Variants in CUX1 observed in about 807,000 individuals in gnomAD.
CUX1 encodes the protein cut like homeobox 1.
Under a neutral mutation model 158.8 loss-of-function variants are expected in CUX1, and 31 were observed. The observed-to-expected ratio is 0.20, with a 90% CI of 0.15 to 0.26. The LOEUF is 0.26. Ranked by LOEUF, CUX1 falls within the 10% of genes least tolerant of loss-of-function variation. The pLI, the probability that CUX1 is intolerant of heterozygous loss-of-function variation, is 1.00. For missense variants in CUX1, 1,589 were observed against 2,014.6 expected (o/e 0.79, Z 4.04); for synonymous variants, 879 against 862.1 (o/e 1.02, Z -0.34).
chr7:102,098,904 C>T (rs1386354168), intron 5 of CUX1, among the ~76,000 whole-genome samples: 3 of 150,638 alleles, frequency 2.0e-5, no homozygotes, highest in African/African-American at 4.9e-5. Context: ...CATGATCCAC[C>T]CCCCTCAGCC....
chr7:102,070,079 C>T (rs1825962368), intron 3 of CUX1, among the ~76,000 whole-genome samples: 1 of 152,154 alleles, frequency 6.6e-6, no homozygotes, highest in Non-Finnish European at 1.5e-5. Flanking sequence ...CACGCCAGAC[C>T]ATTCTCTATG....
At chr7:101,924,185 G>A (rs1805312382) in intron 2 of CUX1, among the ~76,000 whole-genome samples, 1 of 152,060 alleles carries the variant, frequency 6.6e-6, no homozygotes, top group Non-Finnish European at 1.5e-5. Context: ...ATGGGAAGAT[G>A]CTGTGAACTT....
Position 102,189,830 on chromosome 7 carries a change from C to T in CUX1, c.1035C>T (p.Leu345=), listed in dbSNP as rs1408209811. ...GTTTTCAGCAACTGGAAGAAAAACTCAAAGGCCAGGCTGACTATGAAGAGG... is the reference window on the plus strand; with the variant it reads ...GTTTTCAGCAACTGGAAGAAAAACTTAAAGGCCAGGCTGACTATGAAGAGG... ...NSTLKQLEEK[L]KGQADYEEVK... Residue 345 remains leucine, a synonymous_variant, in exon 12 of 24, where the codon CTC becomes CTT. Transcript: ENST00000292535. 3.7e-6 allele frequency: 6 copies of T among 1,614,134 alleles called. No homozygotes were observed. The highest frequency in any genetic ancestry group is 5.1e-6 in the Non-Finnish European group (6 of 1,180,038).
At chr7:102,273,758 G>A (rs190258818) in intron 15 of CUX1, among the ~76,000 whole-genome samples, 57 of 152,368 alleles carry the variant, frequency 3.7e-4, no homozygotes, top group Non-Finnish European at 7.6e-4. Context: ...TGCCCTGAGA[G>A]CAGAGGCAGA....
At chr7:101,949,366 G>A (rs565966619) in intron 2 of CUX1, among the ~76,000 whole-genome samples, 1 of 151,950 alleles carries the variant, frequency 6.6e-6, no homozygotes, top group Non-Finnish European at 1.5e-5. Context: ...TCCTGACCTC[G>A]TGATCCGCCC....
intron 5 of CUX1, among the ~76,000 whole-genome samples, chr7:102,099,555 T>TTTTA (rs1174339455): frequency 5.9e-5 from 9 of 151,692 alleles, no homozygotes; most frequent in Non-Finnish European, 8.8e-5. Flanking sequence ...GGTGAGTGTT[T>TTTTA]TTTATTTATT....
intron 23 of CUX1, among the ~76,000 whole-genome samples, chr7:102,244,564 G>T (rs1240642757): frequency 1.3e-5 from 2 of 152,102 alleles, no homozygotes; most frequent in Non-Finnish European, 2.9e-5. Flanking sequence ...GCGTGGTGGT[G>T]CATGCCTGTG....
At chr7:101,970,960 T>C (rs1811877398) in intron 2 of CUX1, among the ~76,000 whole-genome samples, 1 of 152,146 alleles carries the variant, frequency 6.6e-6, no homozygotes, top group Non-Finnish European at 1.5e-5. Context: ...TCTCTGCCAG[T>C]TTTGCCTGCA....
At chr7:102,266,548 G>C (rs1282189184) in intron 14 of CUX1, among the ~76,000 whole-genome samples, 2 of 152,022 alleles carry the variant, frequency 1.3e-5, no homozygotes, top group Non-Finnish European at 2.9e-5. Flanking sequence ...GCATCGGCTT[G>C]TCAATGGCAT....
At chr7:102,064,341 T>A (rs1380327497) in intron 3 of CUX1, among the ~76,000 whole-genome samples, 1 of 152,136 alleles carries the variant, frequency 6.6e-6, no homozygotes, top group Non-Finnish European at 1.5e-5. Context: ...TGAGCAACGG[T>A]GCCGGCTCTA....
chr7:101,976,900 ATTTTTT>A (rs10643207), intron 2 of CUX1, among the ~76,000 whole-genome samples: 12 of 39,460 alleles, frequency 3.0e-4, no homozygotes, highest in East Asian at 9.1e-4. Flanking sequence ...TCCCTTTCTG[ATTTTTT>A]TTTTTTTTTT....
At chr7:102,280,261 G>A (rs782481311) in intron 19 of CUX1, 34 of 615,092 alleles carry the variant, frequency 5.5e-5, no homozygotes, top group South Asian at 1.3e-4. Context: ...GGGTGCTCTC[G>A]GCCAGCCTTG....
intron 23 of CUX1, among the ~76,000 whole-genome samples, chr7:102,246,293 C>T (rs1407951582): frequency 1.3e-5 from 2 of 152,308 alleles, no homozygotes; most frequent in Non-Finnish European, 2.9e-5. Context: ...ATTTCCTGGG[C>T]TCCCAAGGTA....
At chr7:102,204,976 TC>T in intron 19 of CUX1, 137 bp from the exon 20 acceptor site, 2 of 648,446 alleles carry the variant, frequency 3.1e-6, no homozygotes, top group Non-Finnish European at 2.7e-6. Flanking sequence ...CAGCAGCGCC[TC>T]CCCGGCCCGT....
At chr7:102,206,139 G>A (rs1795927366) in intron 20 of CUX1, among the ~76,000 whole-genome samples, 1 of 152,200 alleles carries the variant, frequency 6.6e-6, no homozygotes, top group Non-Finnish European at 1.5e-5. Flanking sequence ...GTGTGGCAGT[G>A]GCTGCTGCTT....
At chr7:101,892,299 C>G (rs1450930158) in intron 1 of CUX1, among the ~76,000 whole-genome samples, 1 of 152,238 alleles carries the variant, frequency 6.6e-6, no homozygotes, top group African/African-American at 2.4e-5. Context: ...TAAGATTACA[C>G]AAGCGGCTGT....
chr7:102,220,483 G>T (rs781915806), intron 20 of CUX1, among the ~76,000 whole-genome samples: 19 of 152,248 alleles, frequency 1.2e-4, no homozygotes, highest in Admixed American at 2.6e-4. Flanking sequence ...CAGTTCCGGA[G>T]CAGGTCTGGT....
intron 2 of CUX1, among the ~76,000 whole-genome samples, chr7:101,984,720 G>A (rs34061842): frequency 0.023 from 3,446 of 152,184 alleles, 73 homozygotes; most frequent in Non-Finnish European, 0.036. Flanking sequence ...GGTGGCTGGC[G>A]TTCGCAAAAC....
chr7:101,972,097 G>A lies in CUX1; in HGVS notation c.141+55872G>A, dbSNP rs572543277. Among the ~76,000 whole-genome samples, 98 of 152,298 alleles carry A rather than the reference G, an allele frequency of 6.4e-4. No individual in the cohort carries two copies. In the South Asian group the frequency reaches 0.019, roughly 29 times the overall value. ...TTCTCCTGCCTCAGCCTCCCAAGAC[G>A]CTGGGACTACAGGCGCCTGCCACCA... On this transcript the variant is annotated intron_variant, in intron 2 of 23. Transcript: ENST00000292535.
Sources: allele counts gnomAD v4.1 joint callset (sites outside exome capture counted in the v4.1 genomes callset), GRCh38; gene constraint gnomAD v4.1.1; transcripts MANE v1.5; gene names NCBI Gene and HGNC (gene_info 2026-07-23, HGNC 2026-07-21).